ZNF69: variants seen among roughly 807,000 people sequenced by gnomAD.
ZNF69 encodes the protein zinc finger protein 69.
In ZNF69, 47 loss-of-function variants were observed where a neutral mutation model predicts 50.9. That is an observed-to-expected ratio of 0.92 (90% CI 0.73 to 1.18). The LOEUF (loss-of-function observed/expected upper bound fraction) is 1.18, where lower values mean the gene tolerates loss of function less well. ZNF69 is among the 50% of genes most tolerant of loss of function. The pLI is 0.00. For synonymous variants in ZNF69, 216 were observed against 223.1 expected, an observed-to-expected ratio of 0.97 and a Z score of 0.29; for missense variants, 717 against 675.1, an observed-to-expected ratio of 1.06 and a Z score of -0.69.
chr19:11,889,663 TA>T (rs1977034837), intron 1 of ZNF69, among the ~76,000 whole-genome samples: 1 of 151,998 alleles, frequency 6.6e-6, no homozygotes, highest in South Asian at 2.1e-4. Flanking sequence ...TCTTGTCAGG[TA>T]GAGACAAGAG....
the ZNF69 span, among the ~76,000 whole-genome samples, chr19:11,964,660 C>G: frequency 9.3e-3 from 1,423 of 152,248 alleles, 20 homozygotes; most frequent in African/African-American, 0.033. Context: ...CTGGCCTGGT[C>G]TCGGTTCCCC....
the ZNF69 span, among the ~76,000 whole-genome samples, chr19:11,936,002 C>T: frequency 1.3e-5 from 2 of 152,178 alleles, no homozygotes; most frequent in Admixed American, 1.3e-4. Context: ...ATGATGATTT[C>T]CAGTTTCATC....
chr19:11,899,535 C>G (rs542077337), intron 1 of ZNF69, among the ~76,000 whole-genome samples: 1 of 152,306 alleles, frequency 6.6e-6, no homozygotes, highest in Admixed American at 6.5e-5. Context: ...TGTGATGCCT[C>G]ATCCCTGAGT....
chr19:11,893,119 G>A lies in ZNF69; in HGVS notation c.63+5133G>A, dbSNP rs534686936. 1.1e-4 allele frequency among the ~76,000 whole-genome samples: 17 copies of A among 152,310 alleles called. No homozygotes were observed. The East Asian group carries it at 1.7e-3, about 16-fold the overall frequency. On this transcript the variant is annotated intron_variant, in intron 1 of 3. Coordinates refer to ENST00000429654, the MANE Select transcript of ZNF69 (RefSeq NM_001364730.1). ...TGAAGTGGTGGGATTACAGGTATAA[G>A]CCAGCTTTCCTGGCCTGACTTAGGT...
chr19:11,952,170 A>C, the ZNF69 span, among the ~76,000 whole-genome samples: 1 of 149,352 alleles, frequency 6.7e-6, no homozygotes, highest in Admixed American at 6.6e-5. Flanking sequence ...CAAGAGTGAA[A>C]CTCCATCTCA....
At chr19:11,913,487 C>A in exon 5 of ZNF69, 1 of 475,604 alleles carries the variant, frequency 2.1e-6, no homozygotes, top group Non-Finnish European at 3.9e-6. Flanking sequence ...CTCCAGGGTT[C>A]AAGCAACTCT....
the ZNF69 span, among the ~76,000 whole-genome samples, chr19:11,968,555 G>C: frequency 1.3e-3 from 202 of 152,280 alleles, 1 homozygote; most frequent in African/African-American, 4.7e-3. Flanking sequence ...AACTTAATTT[G>C]TAGTGGTTTG....
chr19:11,902,229 G>T (rs986147858), intron 1 of ZNF69, among the ~76,000 whole-genome samples: 2 of 151,364 alleles, frequency 1.3e-5, no homozygotes, highest in Admixed American at 6.6e-5. Flanking sequence ...TGATCTGCCC[G>T]CCTCAGTCTT....
At chr19:11,927,939 A>G in the ZNF69 span, among the ~76,000 whole-genome samples, 6 of 152,160 alleles carry the variant, frequency 3.9e-5, no homozygotes, top group South Asian at 2.1e-4. Flanking sequence ...TGTATAGGCA[A>G]AAGGCAAATA....
chr19:11,927,461 AATAG>A, the ZNF69 span, among the ~76,000 whole-genome samples: 2 of 149,572 alleles, frequency 1.3e-5, no homozygotes, highest in Non-Finnish European at 3.0e-5. Context: ...TAAATAAATA[AATAG>A]AAAAGGAAAA....
At chr19:11,965,330 C>T in the ZNF69 span, 1 of 1,399,976 alleles carries the variant, frequency 7.1e-7, no homozygotes, top group Non-Finnish European at 9.9e-7. Context: ...GGACCGAGTC[C>T]TCCTGGAGCT....
At chr19:11,950,572 A>T in the ZNF69 span, 1 of 537,726 alleles carries the variant, frequency 1.9e-6, no homozygotes. Context: ...TGTGCCTCGC[A>T]CCTTCAACGG....
chr19:11,947,312 G>T, the ZNF69 span: 1 of 1,613,520 alleles, frequency 6.2e-7, no homozygotes, highest in Non-Finnish European at 8.5e-7. Flanking sequence ...CTATAGGTAA[G>T]GATGACAATA....
chr19:11,945,542 C>T, the ZNF69 span, among the ~76,000 whole-genome samples: 1 of 152,012 alleles, frequency 6.6e-6, no homozygotes, highest in Non-Finnish European at 1.5e-5. Flanking sequence ...TCTAGGGAAC[C>T]GGGTACTGTT....
the ZNF69 span, among the ~76,000 whole-genome samples, chr19:11,943,928 G>T: frequency 6.6e-6 from 1 of 152,056 alleles, no homozygotes; most frequent in Admixed American, 6.6e-5. Flanking sequence ...ACTTTGCAGG[G>T]GTTTTCCAGG....
At chr19:11,972,789 C>T in the ZNF69 span, among the ~76,000 whole-genome samples, 21 of 152,208 alleles carry the variant, frequency 1.4e-4, no homozygotes, top group Middle Eastern at 3.4e-3. Context: ...CATAATTCCC[C>T]CTGTTTTAAA....
the ZNF69 span, among the ~76,000 whole-genome samples, chr19:11,932,330 C>T: frequency 1.4e-5 from 2 of 147,374 alleles, no homozygotes; most frequent in South Asian, 2.1e-4. Flanking sequence ...GGTAACAGAA[C>T]GAGACCCTGT....
the ZNF69 span, among the ~76,000 whole-genome samples, chr19:11,921,893 G>A: frequency 1.3e-5 from 2 of 152,152 alleles, no homozygotes; most frequent in African/African-American, 4.8e-5. Context: ...AGGGTCCATC[G>A]TGAGGCAGAA....
chr19:11,932,085 T>C, the ZNF69 span, among the ~76,000 whole-genome samples: 23 of 147,252 alleles, frequency 1.6e-4, no homozygotes, highest in Non-Finnish European at 3.1e-4. Context: ...ATCGTGCCAT[T>C]GCACTTCAGC....
Sources: allele counts gnomAD v4.1 joint callset (sites outside exome capture counted in the v4.1 genomes callset), GRCh38; gene constraint gnomAD v4.1.1; transcripts MANE v1.5; gene names NCBI Gene and HGNC (gene_info 2026-07-23, HGNC 2026-07-21).